The following CENPU variants were observed in gnomAD, a reference collection of about 807,000 sequenced individuals.
CENPU encodes the protein KSHV latent nuclear antigen interacting protein 1.
CENPU carries 46 observed loss-of-function variants against 56.7 expected under a neutral mutation model. The ratio of observed to expected loss-of-function variants is 0.81; its 90% CI spans 0.64 to 1.04. The LOEUF (loss-of-function observed/expected upper bound fraction) is 1.04. Among genes scored for constraint, CENPU ranks in the 50% least tolerant of loss-of-function variants. CENPU has a pLI of 0.00. For missense variants in CENPU, 510 were observed against 490.1 expected (o/e 1.04, Z -0.38); for synonymous variants, 166 against 163.0 (o/e 1.02, Z -0.14).
In CENPU at chr4:184,694,330, T is replaced by TTCAGTGCAGCAACGTTTGAA; in HGVS notation, c.*938_*957dup. ...TTTGGAGTTTCAAGTGTGTCTGAGC[T>TTCAGTGCAGCAACGTTTGAA]TCAGTGCAGCAACGTTTGAATCAGT... is the stretch of plus-strand genomic sequence containing the variant. On this transcript the variant is annotated 3_prime_UTR_variant, in exon 13 of 13. Coordinates refer to ENST00000281453, the MANE Select transcript of CENPU (RefSeq NM_024629.4). The TTCAGTGCAGCAACGTTTGAA allele has an allele frequency of 7.4e-7, 1 of 1,356,376 alleles. No homozygotes were observed. The highest frequency in any genetic ancestry group is 9.5e-7 in the Non-Finnish European group (1 of 1,054,114). The allele number at this position is 1,356,376 out of a possible 1,614,324, so 84.0% of individuals were successfully genotyped here.
At position 184,730,175 on chromosome 4, in the gene CENPU, C is replaced by T. The variant is rs573988398; in HGVS notation, c.96+745G>A. ...AGGCTGGAGCTTAGAGAAATCCCTC[C>T]GAGGCACACTGTACTTTGGCTACCA... is the stretch of plus-strand genomic sequence containing the variant. On this transcript the variant is annotated intron_variant, in intron 2 of 12. Coordinates refer to ENST00000281453, the MANE Select transcript of CENPU (RefSeq NM_024629.4). Among the ~76,000 whole-genome samples, 6 of 152,180 alleles carry T rather than the reference C, an allele frequency of 3.9e-5. No homozygotes were observed. In the South Asian group the frequency reaches 1.0e-3, roughly 26 times the overall value.
At position 184,694,802 on chromosome 4, in the gene CENPU, G is replaced by A. The variant is rs561146556; in HGVS notation, c.*486C>T. The A allele has an allele frequency of 7.2e-5, 114 of 1,581,732 alleles. 1 individual carries two copies. In the South Asian group the frequency reaches 1.2e-3, roughly 16 times the overall value. ...TAACTAATTCACTATGAACACTTTT[G>A]TCACCAGGCTATAATTTGCCTGATG... On this transcript the variant is annotated 3_prime_UTR_variant, in exon 13 of 13. Transcript: ENST00000281453.
At chr4:184,705,628 T>C (rs545173791) in intron 8 of CENPU, among the ~76,000 whole-genome samples, 1 of 152,256 alleles carries the variant, frequency 6.6e-6, no homozygotes, top group East Asian at 1.9e-4. Context: ...AAAAAATTCA[T>C]GAATAATGAG....
intron 4 of CENPU, among the ~76,000 whole-genome samples, chr4:184,722,690 AAAAAC>A (rs199579853): frequency 3.5e-4 from 52 of 147,274 alleles, no homozygotes; most frequent in African/African-American, 8.4e-4. Flanking sequence ...ATGAACCAGT[AAAAAC>A]AAAACAAAAC....
In CENPU at chr4:184,695,181, T is replaced by A; in HGVS notation, c.*107A>T. On this transcript the variant is annotated 3_prime_UTR_variant, in exon 13 of 13. Transcript: ENST00000281453. Reference sequence around the variant, plus strand: ...TGAATAACAAATTTTAGATTCTAAGTAGGCCATAACTTCTTTGCAAAACAA... The same window carrying A: ...TGAATAACAAATTTTAGATTCTAAGAAGGCCATAACTTCTTTGCAAAACAA... The A allele has an allele frequency of 1.4e-6, 1 of 740,220 alleles. No homozygotes were observed. The highest frequency in any genetic ancestry group is 2.3e-6 in the Non-Finnish European group (1 of 428,424). The allele number at this position is 740,220 out of a possible 1,614,324, so 45.9% of individuals were successfully genotyped here.
intron 2 of CENPU, among the ~76,000 whole-genome samples, chr4:184,730,637 G>A (rs1260095692): frequency 6.6e-6 from 1 of 151,858 alleles, no homozygotes; most frequent in African/African-American, 2.4e-5. Context: ...AGGAGAAATG[G>A]CTTTAAGTGA....
chr4:184,701,881 T>C (rs1466409580), intron 10 of CENPU, among the ~76,000 whole-genome samples: 1 of 152,192 alleles, frequency 6.6e-6, no homozygotes, highest in Non-Finnish European at 1.5e-5. Flanking sequence ...CGTGCAGCCT[T>C]AGGAAACAAA....
intron 4 of CENPU, among the ~76,000 whole-genome samples, chr4:184,719,748 G>C (rs111786342): frequency 5.3e-5 from 8 of 152,312 alleles, no homozygotes; most frequent in African/African-American, 1.7e-4. Flanking sequence ...TCTTCTGTGA[G>C]AGGAGAGGAG....
chr4:184,728,882 TAG>T, intron 3 of CENPU, 34 bp downstream of exon 3: 1 of 1,479,534 alleles, frequency 6.8e-7, no homozygotes, highest in South Asian at 1.2e-5. Flanking sequence ...GTTGTTGCTT[TAG>T]AGTTATGTTA....
At chr4:184,718,229 T>C (rs1301677831) in intron 4 of CENPU, among the ~76,000 whole-genome samples, 1 of 152,218 alleles carries the variant, frequency 6.6e-6, no homozygotes, top group Non-Finnish European at 1.5e-5. Context: ...TCGACGTTTC[T>C]GCCCAATACA....
chr4:184,715,312 TAAG>T, intron 6 of CENPU, among the ~76,000 whole-genome samples: 1 of 152,290 alleles, frequency 6.6e-6, no homozygotes, highest in Non-Finnish European at 1.5e-5. Flanking sequence ...TTAGCACCAA[TAAG>T]ACCCAGAATT....
chr4:184,725,425 C>T (rs1324130422), intron 3 of CENPU, among the ~76,000 whole-genome samples: 4 of 152,234 alleles, frequency 2.6e-5, no homozygotes, highest in Non-Finnish European at 5.9e-5. Context: ...CCTGCCTCAG[C>T]CTCCCAAATA....
chr4:184,698,049 A>G, intron 11 of CENPU: 1 of 388,466 alleles, frequency 2.6e-6, no homozygotes, highest in Non-Finnish European at 4.6e-6. Context: ...TTCCTTATAA[A>G]TGCTGAAATT....
intron 10 of CENPU, 58 bp downstream of exon 10, chr4:184,702,031 A>C: frequency 4.4e-6 from 5 of 1,127,904 alleles, no homozygotes; most frequent in Non-Finnish European, 6.7e-6. Flanking sequence ...AAGTCTTCGC[A>C]TAACTCTACA....
At chr4:184,705,854 A>G (rs1463302188) in intron 8 of CENPU, among the ~76,000 whole-genome samples, 1 of 152,232 alleles carries the variant, frequency 6.6e-6, no homozygotes, top group Non-Finnish European at 1.5e-5. Flanking sequence ...TAAGCCAGTC[A>G]CAAAAAGACA....
intron 8 of CENPU, 52 bp downstream of exon 8, chr4:184,710,020 T>C: frequency 1.1e-6 from 1 of 944,408 alleles, no homozygotes; most frequent in South Asian, 1.8e-5. Flanking sequence ...GCAAAAATGG[T>C]GCTTCAGGGG....
intron 11 of CENPU, 71 bp downstream of exon 11, chr4:184,700,749 C>A: frequency 7.7e-7 from 1 of 1,294,892 alleles, no homozygotes; most frequent in Non-Finnish European, 1.1e-6. Context: ...GCAAGTGTCA[C>A]TCCCCTAAAT....
At chr4:184,731,017 T>C in intron 1 of CENPU, 49 bp from the exon 2 acceptor site, 1 of 1,335,702 alleles carries the variant, frequency 7.5e-7, no homozygotes, top group Non-Finnish European at 1.0e-6. Context: ...TTAAAATAAC[T>C]GAGGAAACAC....
chr4:184,702,637 C>T (rs1760574785), intron 8 of CENPU, among the ~76,000 whole-genome samples, 196 bp from the exon 9 acceptor site: 1 of 152,114 alleles, frequency 6.6e-6, no homozygotes, highest in East Asian at 1.9e-4. Context: ...TACTGCATGA[C>T]ACTGACGTTT....
Sources: gnomAD v4.1 joint callset for allele counts (sites outside exome capture counted in the v4.1 genomes callset) on GRCh38, gnomAD v4.1.1 for gene constraint, MANE v1.5 for transcripts, NCBI Gene and HGNC (gene_info 2026-07-23, HGNC 2026-07-21) for gene names.